Variants in RNF212B observed in about 807,000 individuals in gnomAD.
The protein encoded by RNF212B is ring finger protein 212B.
A neutral mutation model predicts 55.5 loss-of-function variants in RNF212B; 52 were observed. That is an observed-to-expected ratio of 0.94 (90% CI 0.75 to 1.18). RNF212B has a LOEUF of 1.18. Ranked by LOEUF, RNF212B falls within the 50% of genes most tolerant of loss-of-function variation. The probability of loss-of-function intolerance (pLI) is 0.00; values close to 1 mark genes in which losing one functional copy is unlikely to be tolerated. For missense variants in RNF212B, 289 were observed against 350.4 expected (o/e 0.82, Z 1.40); for synonymous variants, 99 against 121.4 (o/e 0.82, Z 1.21).
At chr14:23,219,318 C>T (rs1881356779) in intron 2 of RNF212B, among the ~76,000 whole-genome samples, 1 of 152,172 alleles carries the variant, frequency 6.6e-6, no homozygotes, top group Non-Finnish European at 1.5e-5. Flanking sequence ...GGTTTCTACT[C>T]TTGTCTTAAA....
intron 2 of RNF212B, among the ~76,000 whole-genome samples, chr14:23,213,253 C>G (rs1880725766): frequency 6.6e-6 from 1 of 151,498 alleles, no homozygotes; most frequent in Non-Finnish European, 1.5e-5. Context: ...GCGGAGCTTG[C>G]AGTGAGCCGA....
At chr14:23,254,763 C>T (rs748223084) in intron 4 of RNF212B, among the ~76,000 whole-genome samples, 33 of 152,324 alleles carry the variant, frequency 2.2e-4, no homozygotes, top group Non-Finnish European at 3.1e-4. Flanking sequence ...CTTGTCTTAT[C>T]ATAGTAAACC....
chr14:23,217,330 G>A (rs1881190608), intron 2 of RNF212B, among the ~76,000 whole-genome samples: 1 of 152,132 alleles, frequency 6.6e-6, no homozygotes, highest in African/African-American at 2.4e-5. Flanking sequence ...GTGAGTGCCA[G>A]CTTAGCTGCA....
intron 2 of RNF212B, among the ~76,000 whole-genome samples, chr14:23,226,296 C>CAAA (rs71119005): frequency 1.3e-5 from 1 of 75,910 alleles, no homozygotes; most frequent in Non-Finnish European, 2.7e-5. Flanking sequence ...GAAACCGTCT[C>CAAA]AAAAAAAAAA....
chr14:23,243,215 T>C, intron 2 of RNF212B, 41 bp from the exon 3 acceptor site: 1 of 1,494,996 alleles, frequency 6.7e-7, no homozygotes, highest in Admixed American at 2.0e-5. Context: ...TCTTACCTCA[T>C]GCTCATGAGA....
At chr14:23,199,680 G>A (rs949985221) in intron 2 of RNF212B, among the ~76,000 whole-genome samples, 1 of 152,026 alleles carries the variant, frequency 6.6e-6, no homozygotes, top group Non-Finnish European at 1.5e-5. Flanking sequence ...GAAGTCTCAT[G>A]TCCTATGAAG....
At chr14:23,234,666 A>G (rs1882970895), upstream of RNF212B, among the ~76,000 whole-genome samples, 1 of 152,238 alleles carries the variant, frequency 6.6e-6, no homozygotes, top group Non-Finnish European at 1.5e-5. Flanking sequence ...ACGTTTATGC[A>G]CCAACACCAC....
intron 2 of RNF212B, among the ~76,000 whole-genome samples, chr14:23,241,161 T>C (rs775919879): frequency 6.6e-6 from 1 of 152,172 alleles, no homozygotes; most frequent in Non-Finnish European, 1.5e-5. Context: ...GGGTTTTGAA[T>C]GATAAAATGG....
Position 23,243,287 on chromosome 14 carries a change from G to T in RNF212B, c.132G>T (p.Lys44Asn). The change falls in exon 3 of 15, where the codon AAG (lysine) becomes AAT (asparagine). Residue 44 changes from lysine to asparagine, a missense_variant. Coordinates refer to ENST00000430154, the MANE Select transcript of RNF212B (RefSeq NM_001282322.3). ...GTGCTGTTTGTGGAACTGCCTGCAA[G>T]CATCTGGCTCTTTCTGATAATGTAA... ...EKCAVCGTAC[K>N]HLALSDNLKP... 6.5e-7 allele frequency: 1 copy of T among 1,550,300 alleles called. No homozygotes were observed.
At chr14:23,272,663 C>G in intron 14 of RNF212B, 160 bp from the exon 15 acceptor site, 1 of 637,658 alleles carries the variant, frequency 1.6e-6, no homozygotes. Context: ...GTAGCAAATC[C>G]TAGTTTGGAA....
chr14:23,264,968 T>C (rs141886921), intron 11 of RNF212B, among the ~76,000 whole-genome samples: 138 of 152,172 alleles, frequency 9.1e-4, no homozygotes, highest in African/African-American at 1.6e-3. Flanking sequence ...ATTACAGGCA[T>C]GTGCCACCAC....
At chr14:23,246,347 T>C (rs983634932) in intron 4 of RNF212B, among the ~76,000 whole-genome samples, 1 of 152,162 alleles carries the variant, frequency 6.6e-6, no homozygotes, top group African/African-American at 2.4e-5. Context: ...AAAGAATTAA[T>C]GAACTAATCT....
chr14:23,224,124 C>T (rs760638175), intron 2 of RNF212B, among the ~76,000 whole-genome samples: 4 of 151,932 alleles, frequency 2.6e-5, no homozygotes, highest in Non-Finnish European at 2.9e-5. Context: ...TTCATGTTCA[C>T]GGATTGGAAG....
chr14:23,238,078 G>T (rs1262213419), intron 1 of RNF212B, among the ~76,000 whole-genome samples, 23 bp downstream of exon 1: 2 of 152,210 alleles, frequency 1.3e-5, no homozygotes, highest in Non-Finnish European at 2.9e-5. Flanking sequence ...GCCAGAAAAA[G>T]AACTGAGAAG....
At chr14:23,263,647 C>T (rs1425512134) in intron 9 of RNF212B, among the ~76,000 whole-genome samples, 1 of 152,182 alleles carries the variant, frequency 6.6e-6, no homozygotes, top group Non-Finnish European at 1.5e-5. Context: ...GGAATCCCTC[C>T]TCTTGGGAGC....
At chr14:23,227,931 A>T (rs942590358) in intron 2 of RNF212B, among the ~76,000 whole-genome samples, 2 of 149,756 alleles carry the variant, frequency 1.3e-5, no homozygotes, top group Non-Finnish European at 1.5e-5. Context: ...AAAGTTTTTT[A>T]AAAATCTCAT....
rs181170384 is a variant in RNF212B, at chr14:23,229,132, G to A, written c.-1-11213G>A. Reference sequence around the variant, plus strand: ...TACAATATTTCTCTTTTTGTGTCTGGCTTATTTCACTTAGCATAATTTTTT... The same window carrying A: ...TACAATATTTCTCTTTTTGTGTCTGACTTATTTCACTTAGCATAATTTTTT... On this transcript the variant is annotated intron_variant, in intron 2 of 15. Coordinates refer to the RNF212B transcript ENST00000399910. Among the ~76,000 whole-genome samples the A allele has an allele frequency of 1.2e-3, 169 of 146,624 alleles. No homozygotes were observed. The Middle Eastern group carries it at 0.025, about 22-fold the overall frequency.
chr14:23,231,240 A>G (rs916777557), intron 2 of RNF212B, among the ~76,000 whole-genome samples: 1 of 152,224 alleles, frequency 6.6e-6, no homozygotes, highest in African/African-American at 2.4e-5. Context: ...TTCTATGTAC[A>G]AACAAGTCTT....
intron 4 of RNF212B, among the ~76,000 whole-genome samples, chr14:23,250,263 G>C (rs1300145428): frequency 2.0e-5 from 3 of 152,078 alleles, no homozygotes; most frequent in Non-Finnish European, 4.4e-5. Context: ...TGGATCACTT[G>C]AGGTCAGGGG....
Sources: gnomAD v4.1 joint callset for allele counts (sites outside exome capture counted in the v4.1 genomes callset) on GRCh38, gnomAD v4.1.1 for gene constraint, MANE v1.5 for transcripts, NCBI Gene and HGNC (gene_info 2026-07-23, HGNC 2026-07-21) for gene names.